Variants in PPP1R21 observed in about 807,000 individuals in gnomAD.
PPP1R21 encodes the protein protein phosphatase 1 regulatory subunit 21.
Under a neutral mutation model 112.8 loss-of-function variants are expected in PPP1R21, and 85 were observed. The ratio of observed to expected loss-of-function variants is 0.75; its 90% CI spans 0.63 to 0.90. The LOEUF is 0.90. Among genes scored for constraint, PPP1R21 ranks in the 40% least tolerant of loss-of-function variants. PPP1R21 has a pLI of 0.00. For synonymous variants in PPP1R21, 381 were observed against 322.3 expected, an observed-to-expected ratio of 1.18 and a Z score of -1.95; for missense variants, 1,199 against 901.5, an observed-to-expected ratio of 1.33 and a Z score of -4.23.
At chr2:48,452,906 A>G (rs1364141629) in intron 2 of PPP1R21, among the ~76,000 whole-genome samples, 2 of 151,576 alleles carry the variant, frequency 1.3e-5, no homozygotes, top group African/African-American at 4.8e-5. Flanking sequence ...CATGCAGGTA[A>G]TGTCAGTAGA....
chr2:48,494,541 C>G (rs1440797084), intron 15 of PPP1R21, among the ~76,000 whole-genome samples: 1 of 151,614 alleles, frequency 6.6e-6, no homozygotes, highest in African/African-American at 2.4e-5. Flanking sequence ...ATTCTCCTGC[C>G]TCAGCCTCCC....
intron 21 of PPP1R21, among the ~76,000 whole-genome samples, chr2:48,513,800 G>T (rs1670744467): frequency 1.3e-5 from 2 of 152,132 alleles, no homozygotes; most frequent in African/African-American, 4.8e-5. Flanking sequence ...TTATGCCTAA[G>T]AGTTAAATAC....
In PPP1R21 at chr2:48,464,952, A is replaced by C; in HGVS notation, c.710A>C (p.Asn237Thr). ...PFNDTKYSQY[N>T]ALNVPLHNRR... Reference sequence around the variant, plus strand: ...TCTTCTGTAGAATATAGTCAGTACAACGCTCTGAACGTTCCACTCCACAAT... The same window carrying C: ...TCTTCTGTAGAATATAGTCAGTACACCGCTCTGAACGTTCCACTCCACAAT... Residue 237 changes from asparagine (N) to threonine (T), a missense_variant, in exon 8 of 22, where the codon AAC (asparagine) becomes ACC (threonine). Transcript: ENST00000294952. The C allele has an allele frequency of 6.4e-7, 1 of 1,561,466 alleles. No homozygotes were observed. Among genetic ancestry groups the C allele is most frequent in the Non-Finnish European group, 8.6e-7 (1 of 1,163,962 alleles).
chr2:48,478,079 T>C lies in PPP1R21; in HGVS notation c.1226-1845T>C, dbSNP rs78787737. On this transcript the variant is annotated intron_variant, in intron 12 of 21. Coordinates refer to ENST00000294952, the MANE Select transcript of PPP1R21 (RefSeq NM_001135629.3). ...AAGACAGATGCAGGGATTGGAGTTATGCTGCCACAGGCAAGTAACACCTAG... is the reference window on the plus strand; with the variant it reads ...AAGACAGATGCAGGGATTGGAGTTACGCTGCCACAGGCAAGTAACACCTAG... 1.8e-3 allele frequency among the ~76,000 whole-genome samples: 270 copies of C among 152,318 alleles called. 2 individuals are homozygous for C. Among genetic ancestry groups the C allele is most frequent in the Middle Eastern group, 0.014 (4 of 294 alleles).
chr2:48,507,211 TA>T, intron 18 of PPP1R21, 57 bp from the exon 19 acceptor site: 1 of 1,339,888 alleles, frequency 7.5e-7, no homozygotes, highest in Non-Finnish European at 9.7e-7. Context: ...TTTTTTTTTC[TA>T]GAAATGCTTC....
intron 17 of PPP1R21, among the ~76,000 whole-genome samples, chr2:48,501,442 A>G (rs570979900): frequency 1.3e-5 from 2 of 152,296 alleles, no homozygotes; most frequent in Admixed American, 6.5e-5. Flanking sequence ...GGACTTTCCA[A>G]AGTATTAGTC....
At chr2:48,507,104 C>T (rs1572899088) in intron 18 of PPP1R21, 165 bp from the exon 19 acceptor site, 3 of 970,154 alleles carry the variant, frequency 3.1e-6, no homozygotes, top group Non-Finnish European at 4.2e-6. Context: ...GGAATATACA[C>T]TTCCCTGCTA....
chr2:48,441,700 A>G (rs1409896340), intron 1 of PPP1R21, among the ~76,000 whole-genome samples: 1 of 152,242 alleles, frequency 6.6e-6, no homozygotes, highest in Non-Finnish European at 1.5e-5. Flanking sequence ...TTATGGCATC[A>G]GTCTTTTAAA....
chr2:48,491,539 CAAAAAAAAAGA>C (rs1160137429), intron 15 of PPP1R21, among the ~76,000 whole-genome samples: 1 of 63,274 alleles, frequency 1.6e-5, no homozygotes, highest in East Asian at 3.4e-4. Context: ...GCAGTTGTTG[CAAAAAAAAAGA>C]AAAAAAAAAG....
Position 48,474,731 on chromosome 2 carries a change from C to G in PPP1R21, c.1137C>G (p.Ala379=). Residue 379 remains alanine, a synonymous_variant, in exon 12 of 22, where the codon GCC becomes GCG. Coordinates refer to ENST00000294952, the MANE Select transcript of PPP1R21 (RefSeq NM_001135629.3). ...CTCTTTGCACATCTGCGTTAAGAGCCAGGAATCTAGAGCTGTCCCAGGACA... is the reference window on the plus strand; with the variant it reads ...CTCTTTGCACATCTGCGTTAAGAGCGAGGAATCTAGAGCTGTCCCAGGACA... The part of the protein sequence containing the change: ...ESSLCTSALR[A]RNLELSQDMK... 2 of 1,612,982 alleles carry G rather than the reference C, an allele frequency of 1.2e-6. No individual in the cohort carries two copies. The highest frequency in any genetic ancestry group is 1.7e-6 in the Non-Finnish European group (2 of 1,179,360).
rs969566826 is a variant in PPP1R21, at chr2:48,478,741, C to G, written c.1226-1183C>G. Among the ~76,000 whole-genome samples the G allele has an allele frequency of 3.3e-5, 5 of 152,194 alleles. No homozygotes were observed. The South Asian group carries it at 1.0e-3, about 31-fold the overall frequency. On this transcript the variant is annotated intron_variant, in intron 12 of 21. Coordinates refer to ENST00000294952, the MANE Select transcript of PPP1R21 (RefSeq NM_001135629.3). The stretch of plus-strand genomic sequence containing the variant: ...CTGTTTCCTGTTCTCTCTGGTAAAC[C>G]AGGCAGCCCACAGTTTAACTTATAT...
chr2:48,512,368 C>A (rs1201316970), intron 21 of PPP1R21, among the ~76,000 whole-genome samples: 2 of 147,410 alleles, frequency 1.4e-5, no homozygotes, highest in Non-Finnish European at 2.9e-5. Context: ...TAGTTGGCAT[C>A]ATCTCATGTG....
intron 10 of PPP1R21, 36 bp from the exon 11 acceptor site, chr2:48,471,243 A>G: frequency 1.2e-6 from 2 of 1,609,394 alleles, no homozygotes; most frequent in South Asian, 2.2e-5. Flanking sequence ...TTTGTCCAGT[A>G]GCACTTTTAA....
At chr2:48,460,988 T>C in intron 6 of PPP1R21, 150 bp from the exon 7 acceptor site, 12 of 1,328,204 alleles carry the variant, frequency 9.0e-6, no homozygotes, top group Non-Finnish European at 1.2e-5. Flanking sequence ...TTTTGTTATC[T>C]TCCTCTTTTA....
At chr2:48,487,916 T>TA (rs1669384267) in intron 14 of PPP1R21, among the ~76,000 whole-genome samples, 1 of 152,156 alleles carries the variant, frequency 6.6e-6, no homozygotes, top group African/African-American at 2.4e-5. Context: ...AAAAGGACTG[T>TA]ATTCAGAACT....
At position 48,450,881 on chromosome 2, in the gene PPP1R21, G is replaced by C. The variant is rs369640468; in HGVS notation, c.58-127G>C. On this transcript the variant is annotated intron_variant, in intron 1 of 21. Transcript: ENST00000294952. The stretch of plus-strand genomic sequence containing the variant: ...CCCTCTTTGGGTCTAATACTTTTTT[G>C]TTCTCATATATATGTGAGAAGCTAC... The C allele has an allele frequency of 2.5e-4, 166 of 660,492 alleles. 1 individual carries two copies. In the East Asian group the frequency reaches 3.7e-3, roughly 15 times the overall value. 40.9% of individuals were successfully genotyped at this position (660,492 alleles called of 1,614,324 possible). A position where few individuals can be genotyped will look rare whatever the true frequency, so the allele number is the denominator to read the frequency against.
In PPP1R21 at chr2:48,473,674, G is replaced by C. The variant is rs928173092; in HGVS notation, c.1089-1009G>C. Among the ~76,000 whole-genome samples, 6 of 152,226 alleles carry C rather than the reference G, an allele frequency of 3.9e-5. No homozygotes were observed. The South Asian group carries it at 6.2e-4, about 16-fold the overall frequency. ...GAAGCTGTCTGCTATAAATAAAGTA[G>C]AAGAGAAGTTGCAATGGAGAGAGAA... On this transcript the variant is annotated intron_variant, in intron 11 of 21. Transcript: ENST00000294952.
At chr2:48,450,605 T>C (rs571238006) in intron 1 of PPP1R21, among the ~76,000 whole-genome samples, 2 of 152,290 alleles carry the variant, frequency 1.3e-5, no homozygotes, top group African/African-American at 4.8e-5. Context: ...ATTAGTCCAG[T>C]TGTATGTATT....
chr2:48,469,975 C>T (rs1252453823), intron 9 of PPP1R21, among the ~76,000 whole-genome samples: 1 of 152,044 alleles, frequency 6.6e-6, no homozygotes, highest in Non-Finnish European at 1.5e-5. Flanking sequence ...TACCCAGGGC[C>T]ATGTGTCTGT....
Sources: gnomAD v4.1 joint callset for allele counts (sites outside exome capture counted in the v4.1 genomes callset) on GRCh38, gnomAD v4.1.1 for gene constraint, MANE v1.5 for transcripts, NCBI Gene and HGNC (gene_info 2026-07-23, HGNC 2026-07-21) for gene names.